MAGI2: variants seen among roughly 807,000 people sequenced by gnomAD.
MAGI2 encodes the protein membrane associated guanylate kinase, WW and PDZ domain containing 2.
MAGI2 carries 35 observed loss-of-function variants against 133.3 expected under a neutral mutation model. The ratio of observed to expected loss-of-function variants is 0.26; its 90% CI spans 0.20 to 0.35. MAGI2 has a LOEUF of 0.35. MAGI2 is among the 10% of genes least tolerant of loss of function. MAGI2 has a pLI of 1.00. For synonymous variants in MAGI2, 729 were observed against 710.6 expected, an observed-to-expected ratio of 1.03 and a Z score of -0.41; for missense variants, 1,636 against 1,863.4, an observed-to-expected ratio of 0.88 and a Z score of 2.25.
intron 1 of MAGI2, among the ~76,000 whole-genome samples, chr7:79,256,021 A>G (rs900681005): frequency 1.3e-5 from 2 of 152,170 alleles, no homozygotes; most frequent in African/African-American, 4.8e-5. Context: ...ATGCAGCATC[A>G]TTTCTTATCT....
intron 16 of MAGI2, among the ~76,000 whole-genome samples, chr7:78,141,322 A>G (rs1163774265): frequency 6.6e-6 from 1 of 152,166 alleles, no homozygotes; most frequent in Admixed American, 6.5e-5. Context: ...TTCTGCCTTT[A>G]GAAACCAGAG....
intron 1 of MAGI2, among the ~76,000 whole-genome samples, chr7:79,160,142 C>A (rs114796427): frequency 6.6e-6 from 1 of 152,020 alleles, no homozygotes; most frequent in Non-Finnish European, 1.5e-5. Flanking sequence ...TCCCCCACCA[C>A]TGGAAATTTA....
At chr7:79,344,655 G>A (rs943469552) in intron 1 of MAGI2, among the ~76,000 whole-genome samples, 5 of 152,146 alleles carry the variant, frequency 3.3e-5, no homozygotes, top group African/African-American at 9.7e-5. Context: ...TTGTACATGC[G>A]ACAGTTGACA....
At chr7:79,122,671 T>C (rs192964771) in intron 1 of MAGI2, among the ~76,000 whole-genome samples, 8 of 151,284 alleles carry the variant, frequency 5.3e-5, no homozygotes, top group African/African-American at 1.9e-4. Context: ...TGAGATGGAG[T>C]TTTGCTCTTG....
chr7:78,288,974 G>T (rs1381573719), intron 9 of MAGI2, among the ~76,000 whole-genome samples: 3 of 152,154 alleles, frequency 2.0e-5, no homozygotes, highest in Non-Finnish European at 4.4e-5. Context: ...AAGACCAAAG[G>T]TAGATAAAAC....
intron 6 of MAGI2, among the ~76,000 whole-genome samples, chr7:78,464,968 G>A (rs2192882): frequency 0.17 from 25,077 of 151,912 alleles, 2,152 homozygotes; most frequent in South Asian, 0.25. Flanking sequence ...ATCATAGTGC[G>A]TATTATAACT....
intron 6 of MAGI2, among the ~76,000 whole-genome samples, chr7:78,487,544 G>A (rs1328398705): frequency 6.6e-6 from 1 of 152,056 alleles, no homozygotes; most frequent in Non-Finnish European, 1.5e-5. Flanking sequence ...CCTGCAAAAC[G>A]TTTTCTAAAA....
chr7:78,319,803 C>T (rs1364972567), intron 9 of MAGI2, among the ~76,000 whole-genome samples: 2 of 152,032 alleles, frequency 1.3e-5, no homozygotes, highest in African/African-American at 2.4e-5. Context: ...GAGATAGAAA[C>T]ACAAAAAACC....
intron 2 of MAGI2, among the ~76,000 whole-genome samples, chr7:78,892,399 C>T (rs894240092): frequency 1.6e-4 from 24 of 151,986 alleles, no homozygotes; most frequent in Admixed American, 3.9e-4. Flanking sequence ...CATATGGAAC[C>T]AAAAAAGAGC....
intron 20 of MAGI2, among the ~76,000 whole-genome samples, chr7:78,092,662 A>C (rs915219848): frequency 2.0e-5 from 3 of 152,178 alleles, no homozygotes; most frequent in Non-Finnish European, 4.4e-5. Flanking sequence ...TAAAATAAAA[A>C]GCCTCTGGTT....
At chr7:78,070,218 T>TATATATAC (rs1453553515) in intron 21 of MAGI2, among the ~76,000 whole-genome samples, 12 of 52,286 alleles carry the variant, frequency 2.3e-4, no homozygotes, top group East Asian at 8.4e-4. Flanking sequence ...TATATATATA[T>TATATATAC]ACACACACAC....
At chr7:78,772,973 A>T (rs916239249) in intron 2 of MAGI2, among the ~76,000 whole-genome samples, 4 of 151,454 alleles carry the variant, frequency 2.6e-5, no homozygotes, top group African/African-American at 7.3e-5. Context: ...ATTTATTCAG[A>T]GTTTTGTTTT....
intron 2 of MAGI2, among the ~76,000 whole-genome samples, chr7:78,759,408 A>G (rs1406333914): frequency 6.6e-6 from 1 of 152,184 alleles, no homozygotes; most frequent in Non-Finnish European, 1.5e-5. Flanking sequence ...AAACAGCTAA[A>G]AGTAATGAAA....
rs573380556 is a variant in MAGI2, at chr7:79,358,107, TA to T, written c.301+94912del. 7.0e-3 allele frequency among the ~76,000 whole-genome samples: 1,059 copies of T among 150,616 alleles called. 7 individuals are homozygous for T. The highest frequency in any genetic ancestry group is 8.7e-3 in the Non-Finnish European group (586 of 67,518). On this transcript the variant is annotated intron_variant, in intron 1 of 21. Transcript: ENST00000354212. Reference sequence around the variant, plus strand: ...TTAATGAGCTACTAGGTCCCTACATTAAAAAAAAAGAACCTTTCTCTATGAA... The same window carrying T: ...TTAATGAGCTACTAGGTCCCTACATTAAAAAAAAGAACCTTTCTCTATGAA...
At chr7:78,667,602 C>A (rs1244052260) in intron 2 of MAGI2, among the ~76,000 whole-genome samples, 2 of 143,460 alleles carry the variant, frequency 1.4e-5, no homozygotes, top group African/African-American at 5.2e-5. Flanking sequence ...CATGTGTTCT[C>A]ATTGTTCAAT....
At chr7:79,447,802 G>GC in intron 1 of MAGI2, among the ~76,000 whole-genome samples, 1 of 151,778 alleles carries the variant, frequency 6.6e-6, no homozygotes, top group African/African-American at 2.4e-5. Flanking sequence ...TATTTACATT[G>GC]CAATACTCAC....
intron 6 of MAGI2, among the ~76,000 whole-genome samples, chr7:78,439,385 T>C (rs1787373926): frequency 6.6e-6 from 1 of 150,722 alleles, no homozygotes. Flanking sequence ...TGCCTAACTG[T>C]GTAAATAGTA....
At chr7:79,448,409 C>T (rs1028814781) in intron 1 of MAGI2, among the ~76,000 whole-genome samples, 2 of 152,072 alleles carry the variant, frequency 1.3e-5, no homozygotes, top group African/African-American at 4.8e-5. Context: ...AAAAACACCT[C>T]ATAATGTCAC....
At chr7:78,037,581 G>A (rs916878209) in intron 21 of MAGI2, among the ~76,000 whole-genome samples, 9 of 152,242 alleles carry the variant, frequency 5.9e-5, no homozygotes, top group Non-Finnish European at 1.2e-4. Context: ...TCATTTTAGC[G>A]CAAGATAAGT....
Sources: gnomAD v4.1 joint callset for allele counts (sites outside exome capture counted in the v4.1 genomes callset) on GRCh38, gnomAD v4.1.1 for gene constraint, MANE v1.5 for transcripts, NCBI Gene and HGNC (gene_info 2026-07-23, HGNC 2026-07-21) for gene names.